PTER: variants seen among roughly 807,000 people sequenced by gnomAD.
The protein encoded by PTER is phosphotriesterase related, also known as N-acetyltaurine hydrolase.
PTER carries 38 observed loss-of-function variants against 29.6 expected under a neutral mutation model. The ratio of observed to expected loss-of-function variants is 1.28; its 90% confidence interval spans 0.99 to 1.68. The LOEUF (loss-of-function observed/expected upper bound fraction) is 1.68. Among genes scored for constraint, PTER ranks in the 40% most tolerant of loss-of-function variants. The pLI is 0.00. For missense variants in PTER, 482 were observed against 427.8 expected (o/e 1.13, Z -1.12); for synonymous variants, 172 against 154.5 (o/e 1.11, Z -0.84).
intron 1 of PTER, among the ~76,000 whole-genome samples, chr10:16,443,793 A>G (rs887822176): frequency 6.6e-6 from 1 of 152,198 alleles, no homozygotes; most frequent in Non-Finnish European, 1.5e-5. Flanking sequence ...TCAGAAACTT[A>G]CTATGATGAG....
chr10:16,442,303 T>C (rs1302626223), intron 1 of PTER, among the ~76,000 whole-genome samples: 1 of 152,232 alleles, frequency 6.6e-6, no homozygotes, highest in Admixed American at 6.5e-5. Flanking sequence ...ATTCGACATG[T>C]CTCATCTCCT....
intron 1 of PTER, among the ~76,000 whole-genome samples, chr10:16,475,721 T>C (rs576825035): frequency 1.3e-5 from 2 of 152,344 alleles, no homozygotes; most frequent in South Asian, 4.1e-4. Flanking sequence ...TGCTTATCCA[T>C]GGATAATGAG....
At chr10:16,496,331 G>C (rs755797804) in intron 3 of PTER, among the ~76,000 whole-genome samples, 4 of 152,108 alleles carry the variant, frequency 2.6e-5, no homozygotes, top group Admixed American at 6.5e-5. Flanking sequence ...AAAATCCGAA[G>C]GTCTTGGTCT....
At chr10:16,508,410 C>A (rs1836677468) in intron 4 of PTER, among the ~76,000 whole-genome samples, 1 of 151,992 alleles carries the variant, frequency 6.6e-6, no homozygotes, top group African/African-American at 2.4e-5. Flanking sequence ...GGGAACTTTG[C>A]ACTCTGGATC....
chr10:16,459,800 G>C (rs1834543414), intron 1 of PTER, among the ~76,000 whole-genome samples: 1 of 152,090 alleles, frequency 6.6e-6, no homozygotes, highest in South Asian at 2.1e-4. Flanking sequence ...TCAGGCTGGG[G>C]TGCAATGCAC....
intron 1 of PTER, among the ~76,000 whole-genome samples, chr10:16,467,308 T>C (rs182565528): frequency 2.0e-4 from 31 of 152,336 alleles, no homozygotes; most frequent in Non-Finnish European, 2.6e-4. Flanking sequence ...TTAAACTTTA[T>C]CATAAGTATG....
At chr10:16,509,690 T>G (rs141202401) in intron 4 of PTER, among the ~76,000 whole-genome samples, 86 of 152,272 alleles carry the variant, frequency 5.6e-4, no homozygotes, top group African/African-American at 2.1e-3. Context: ...ATAATTCCCC[T>G]AAACTGAGTG....
At chr10:16,487,677 G>T (rs1201590376) in intron 3 of PTER, among the ~76,000 whole-genome samples, 1 of 152,166 alleles carries the variant, frequency 6.6e-6, no homozygotes, top group Admixed American at 6.5e-5. Context: ...AATGCCAGCT[G>T]CTGTTAATTT....
chr10:16,443,296 C>T (rs1254556746), intron 1 of PTER, among the ~76,000 whole-genome samples: 1 of 152,142 alleles, frequency 6.6e-6, no homozygotes, highest in Non-Finnish European at 1.5e-5. Context: ...TGGATTGAGA[C>T]CTACCCTAAC....
chr10:16,456,235 C>G lies in PTER; in HGVS notation c.-49+19188C>G, dbSNP rs142094511. Among the ~76,000 whole-genome samples the G allele has an allele frequency of 3.5e-4, 54 of 152,326 alleles. 1 individual carries two copies. The highest frequency in any genetic ancestry group is 1.3e-3 in the African/African-American group (53 of 41,564). On this transcript the variant is annotated intron_variant, in intron 1 of 4. Transcript: ENST00000535784. ...GTTCACTTATCCATCCATCCATAAA[C>G]ATTTACAGAATCCTGCTATGGGCCA... is the stretch of plus-strand genomic sequence containing the variant.
At chr10:16,488,602 TGGAG>T (rs979837061) in intron 3 of PTER, among the ~76,000 whole-genome samples, 124 of 133,586 alleles carry the variant, frequency 9.3e-4, no homozygotes, top group Non-Finnish European at 1.6e-3. Flanking sequence ...TATATATATA[TGGAG>T]AGAGAGAGAG....
rs768103491 is a variant in PTER, at chr10:16,486,439, T to C, written c.520T>C (p.Trp174Arg). Reference sequence around the variant, plus strand: ...CATTATTGGAGAAATTGGTTGCTCCTGGCCTTTGACTGAGAGTGAAAGAAA... The same window carrying C: ...CATTATTGGAGAAATTGGTTGCTCCCGGCCTTTGACTGAGAGTGAAAGAAA... The part of the protein sequence containing the change: ...CGIIGEIGCS[W>R]PLTESERKVL... The change falls in exon 3 of 5, where the codon TGG becomes CGG. Residue 174 changes from tryptophan (W) to arginine (R), a missense_variant. By Grantham distance (101) the Trp-to-Arg change is moderately radical. Coordinates refer to ENST00000535784, the MANE Select transcript of PTER (RefSeq NM_001261836.2). 1.9e-6 allele frequency: 3 copies of C among 1,614,084 alleles called. No homozygotes were observed. The South Asian group carries it at 3.3e-5, about 18-fold the overall frequency.
chr10:16,438,556 G>A (rs1276119227), intron 1 of PTER, among the ~76,000 whole-genome samples: 1 of 148,894 alleles, frequency 6.7e-6, no homozygotes, highest in Non-Finnish European at 1.5e-5. Flanking sequence ...TGATCTGGCT[G>A]CCTCGGCCTC....
At position 16,513,091 on chromosome 10, in the gene PTER, A is replaced by G. The variant is rs1836873459; in HGVS notation, c.*1835A>G. On this transcript the variant is annotated 3_prime_UTR_variant, in exon 5 of 5. Transcript: ENST00000535784. ...CTTGGTGTCTGCAGTCCTCATATTA[A>G]CAGTCTGTCACAGAATGCAGTTAAA... The G allele has an allele frequency of 6.6e-6, 1 of 152,252 alleles. No individual in the cohort carries two copies. Among genetic ancestry groups the G allele is most frequent in the Non-Finnish European group, 1.5e-5 (1 of 67,976 alleles). The allele number at this position is 152,252 out of a possible 1,614,324, so 9.4% of individuals were successfully genotyped here.
chr10:16,503,131 G>C (rs1459074979), intron 3 of PTER, among the ~76,000 whole-genome samples: 4 of 129,932 alleles, frequency 3.1e-5, no homozygotes, highest in Admixed American at 9.0e-5. Flanking sequence ...ATGTTGGCCA[G>C]GCTGGTCTCA....
At chr10:16,501,627 G>A (rs950382727) in intron 3 of PTER, among the ~76,000 whole-genome samples, 1 of 152,170 alleles carries the variant, frequency 6.6e-6, no homozygotes, top group African/African-American at 2.4e-5. Flanking sequence ...TTCAAGTGCA[G>A]TGTGAGGGTA....
At chr10:16,447,196 G>A (rs191185296) in intron 1 of PTER, among the ~76,000 whole-genome samples, 2 of 150,840 alleles carry the variant, frequency 1.3e-5, no homozygotes, top group Non-Finnish European at 3.0e-5. Flanking sequence ...GAACTATTGG[G>A]CTCAAGCGAT....
At chr10:16,468,742 G>A (rs1834936498) in intron 1 of PTER, among the ~76,000 whole-genome samples, 3 of 152,172 alleles carry the variant, frequency 2.0e-5, no homozygotes, top group South Asian at 2.1e-4. Flanking sequence ...TGGGGGCCAA[G>A]GTGGGAGGAT....
At chr10:16,504,251 C>T (rs904349658) in intron 3 of PTER, among the ~76,000 whole-genome samples, 3 of 152,108 alleles carry the variant, frequency 2.0e-5, no homozygotes, top group African/African-American at 7.2e-5. Flanking sequence ...TACTCTTGCT[C>T]TGTACTCTAC....
Sources: allele counts gnomAD v4.1 joint callset (sites outside exome capture counted in the v4.1 genomes callset), GRCh38; gene constraint gnomAD v4.1.1; transcripts MANE v1.5; gene names NCBI Gene and HGNC (gene_info 2026-07-23, HGNC 2026-07-21).